The following RXFP2 variants were observed in gnomAD, a reference collection of about 807,000 sequenced individuals.
RXFP2 encodes relaxin family peptide receptor 2, also known as relaxin receptor 2.
Under a neutral mutation model 88.6 loss-of-function variants are expected in RXFP2, and 68 were observed. The observed-to-expected ratio is 0.77, with a 90% confidence interval of 0.63 to 0.94. RXFP2 has a LOEUF of 0.94. Ranked by LOEUF, RXFP2 falls within the 40% of genes least tolerant of loss-of-function variation. The probability of loss-of-function intolerance (pLI) is 0.00; values close to 1 mark genes in which losing one functional copy is unlikely to be tolerated. For synonymous variants in RXFP2, 329 were observed against 306.8 expected, an observed-to-expected ratio of 1.07 and a Z score of -0.76; for missense variants, 791 against 893.9, an observed-to-expected ratio of 0.88 and a Z score of 1.47.
chr13:31,777,021 A>G (rs1366886126), intron 7 of RXFP2, among the ~76,000 whole-genome samples: 5 of 152,174 alleles, frequency 3.3e-5, no homozygotes, highest in Non-Finnish European at 7.4e-5. Flanking sequence ...CAGCTCAGCC[A>G]ATTAGTAGGT....
intron 11 of RXFP2, 121 bp from the exon 12 acceptor site, chr13:31,786,262 G>A: frequency 1.3e-6 from 1 of 789,502 alleles, no homozygotes; most frequent in Admixed American, 1.9e-5. Flanking sequence ...AAGTTATCAG[G>A]TTGGTTAAAT....
intron 1 of RXFP2, among the ~76,000 whole-genome samples, chr13:31,753,083 C>T (rs777797180): frequency 6.6e-6 from 1 of 152,178 alleles, no homozygotes; most frequent in Non-Finnish European, 1.5e-5. Context: ...CCTATACCCC[C>T]CTGGAGCCAT....
intron 9 of RXFP2, 44 bp downstream of exon 9, chr13:31,778,627 A>G (rs746347105): frequency 7.6e-7 from 1 of 1,310,250 alleles, no homozygotes; most frequent in Non-Finnish European, 1.1e-6. Context: ...GCCCTGATTA[A>G]GGAAACTAGC....
chr13:31,754,982 G>A (rs902687479), intron 1 of RXFP2, among the ~76,000 whole-genome samples: 5 of 152,066 alleles, frequency 3.3e-5, no homozygotes, highest in African/African-American at 9.7e-5. Context: ...CCTGTGTGCC[G>A]ACATCAACCC....
chr13:31,750,973 G>A (rs1871643351), intron 1 of RXFP2, among the ~76,000 whole-genome samples: 1 of 152,162 alleles, frequency 6.6e-6, no homozygotes. Context: ...TTGAAGATGG[G>A]AGCTGTGCAA....
In RXFP2 at chr13:31,786,640, A is replaced by G; in HGVS notation, c.1073+3A>G. On this transcript the variant is annotated splice_donor_region_variant and intron_variant, in intron 13 of 17. Coordinates refer to ENST00000298386, the MANE Select transcript of RXFP2 (RefSeq NM_130806.5). Reference sequence around the variant, plus strand: ...AGTCTTAAACAACTTCAGTCTCTGTAAGTGAAATATTACAATTATATTGAT... The same window carrying G: ...AGTCTTAAACAACTTCAGTCTCTGTGAGTGAAATATTACAATTATATTGAT... 6.6e-7 allele frequency: 1 copy of G among 1,515,000 alleles called. No individual in the cohort carries two copies. Among genetic ancestry groups the G allele is most frequent in the Non-Finnish European group, 9.2e-7 (1 of 1,090,560 alleles). 93.8% of individuals were successfully genotyped at this position (1,515,000 alleles called of 1,614,324 possible). A position where few individuals can be genotyped will look rare whatever the true frequency, so the allele number is the denominator to read the frequency against.
chr13:31,756,747 G>A (rs1413983056), intron 1 of RXFP2, among the ~76,000 whole-genome samples: 2 of 151,038 alleles, frequency 1.3e-5, no homozygotes, highest in Non-Finnish European at 2.9e-5. Context: ...TCAGCCTCCT[G>A]AGTAGCTAGG....
chr13:31,777,025 A>T (rs9549059), intron 7 of RXFP2, among the ~76,000 whole-genome samples: 10 of 152,006 alleles, frequency 6.6e-5, no homozygotes, highest in African/African-American at 1.2e-4. Flanking sequence ...TCAGCCAATT[A>T]GTAGGTTAAG....
At chr13:31,756,915 G>A (rs1182892101) in intron 1 of RXFP2, among the ~76,000 whole-genome samples, 1 of 151,826 alleles carries the variant, frequency 6.6e-6, no homozygotes. Flanking sequence ...TACTGCACCT[G>A]GACAGGACTC....
chr13:31,750,271 A>T (rs565654507), intron 1 of RXFP2, among the ~76,000 whole-genome samples: 3 of 152,272 alleles, frequency 2.0e-5, no homozygotes, highest in African/African-American at 7.2e-5. Flanking sequence ...CATGAATTAG[A>T]TGAAAGACAA....
intron 13 of RXFP2, among the ~76,000 whole-genome samples, chr13:31,788,258 C>G (rs535087202): frequency 6.6e-6 from 1 of 152,200 alleles, no homozygotes; most frequent in South Asian, 2.1e-4. Context: ...TTCCAAAAAG[C>G]AAGAACTCCT....
intron 8 of RXFP2, among the ~76,000 whole-genome samples, chr13:31,778,256 T>C (rs1245973735): frequency 6.6e-6 from 1 of 152,200 alleles, no homozygotes; most frequent in Non-Finnish European, 1.5e-5. Context: ...TTTTGTTTCA[T>C]CTCATAAAAT....
chr13:31,776,700 T>A (rs949599517), intron 7 of RXFP2, among the ~76,000 whole-genome samples: 7 of 152,298 alleles, frequency 4.6e-5, no homozygotes, highest in Middle Eastern at 3.4e-3. Flanking sequence ...TAGTAGGTGC[T>A]CAATGTGGCT....
At chr13:31,775,420 G>C (rs750327115) in intron 7 of RXFP2, 31 bp downstream of exon 7, 2 of 1,453,964 alleles carry the variant, frequency 1.4e-6, no homozygotes, top group Non-Finnish European at 1.9e-6. Context: ...TTCTCCCATA[G>C]AGGATCATAG....
chr13:31,755,016 C>T (rs369612092), intron 1 of RXFP2, among the ~76,000 whole-genome samples: 50 of 152,294 alleles, frequency 3.3e-4, no homozygotes, highest in African/African-American at 1.1e-3. Flanking sequence ...GCCAGGCACT[C>T]TCACCACTTC....
At chr13:31,780,940 C>T (rs543933271) in intron 9 of RXFP2, among the ~76,000 whole-genome samples, 8 of 152,318 alleles carry the variant, frequency 5.3e-5, no homozygotes, top group East Asian at 1.9e-4. Flanking sequence ...TTCCAGGCAG[C>T]GCTGAGGTTG....
At chr13:31,787,741 G>T (rs1873612886) in intron 13 of RXFP2, among the ~76,000 whole-genome samples, 1 of 152,178 alleles carries the variant, frequency 6.6e-6, no homozygotes, top group East Asian at 1.9e-4. Context: ...CCGGCTTCAA[G>T]CAATTCTCCT....
chr13:31,746,768 A>G (rs1871438340), intron 1 of RXFP2, among the ~76,000 whole-genome samples: 1 of 106,212 alleles, frequency 9.4e-6, no homozygotes, highest in Non-Finnish European at 2.0e-5. Context: ...GCTAAAAAAT[A>G]ATATATCTAT....
chr13:31,758,247 C>G lies in RXFP2; in HGVS notation c.95-11C>G, dbSNP rs1194244690. On this transcript the variant is annotated splice_polypyrimidine_tract_variant and intron_variant, in intron 1 of 17. Transcript: ENST00000298386. ...TGGTAACACTTTGTTTTTGCCCCTT[C>G]TTTCATGTAGATTTTGCACTGACTC... The G allele has an allele frequency of 1.9e-6, 3 of 1,613,938 alleles. No homozygotes were observed. The highest frequency in any genetic ancestry group is 3.3e-5 in the Admixed American group (2 of 60,004).
Sources: gnomAD v4.1 joint callset for allele counts (sites outside exome capture counted in the v4.1 genomes callset) on GRCh38, gnomAD v4.1.1 for gene constraint, MANE v1.5 for transcripts, NCBI Gene and HGNC (gene_info 2026-07-23, HGNC 2026-07-21) for gene names.